Variants in SLC30A9 observed in about 807,000 individuals in gnomAD.
SLC30A9 encodes the protein solute carrier family 30 member 9.
A neutral mutation model predicts 87.5 loss-of-function variants in SLC30A9; 58 were observed. The observed-to-expected ratio is 0.66, with a 90% CI of 0.54 to 0.82. SLC30A9 has a LOEUF of 0.82. SLC30A9 is among the 40% of genes least tolerant of loss of function. SLC30A9 has a pLI of 0.00. For missense variants in SLC30A9, 557 were observed against 679.1 expected (o/e 0.82, Z 2.00); for synonymous variants, 234 against 233.0 (o/e 1.00, Z -0.04).
chr4:42,043,820 A>G (rs1312814865), intron 8 of SLC30A9, among the ~76,000 whole-genome samples: 3 of 152,226 alleles, frequency 2.0e-5, no homozygotes, highest in Non-Finnish European at 4.4e-5. Context: ...AGCCAGAGAG[A>G]AAGGTCGGGT....
rs1157085130 is a variant in SLC30A9 at position 42,046,258 on chromosome 4, T to C, written c.738-3119T>C. ...AGGGCAATCAGGCAAGAGAAAGAAA[T>C]AAAGGGTATTCAAATAGGAAGAGAG... On this transcript the variant is annotated intron_variant, in intron 8 of 17. Coordinates refer to ENST00000264451, the MANE Select transcript of SLC30A9 (RefSeq NM_006345.4). 3.3e-5 allele frequency among the ~76,000 whole-genome samples: 5 copies of C among 152,158 alleles called. No homozygotes were observed. The East Asian group carries it at 9.7e-4, about 29-fold the overall frequency.
intron 7 of SLC30A9, among the ~76,000 whole-genome samples, chr4:42,036,022 G>A (rs1219595199): frequency 3.9e-5 from 6 of 152,016 alleles, no homozygotes; most frequent in African/African-American, 1.4e-4. Context: ...CTTAGCCCTT[G>A]GAGAAGAAAA....
chr4:42,051,573 A>G (rs1179927631), intron 9 of SLC30A9, among the ~76,000 whole-genome samples: 19 of 152,234 alleles, frequency 1.2e-4, no homozygotes, highest in Admixed American at 1.2e-3. Flanking sequence ...AAACCAAATG[A>G]AACTTTTAGA....
At chr4:42,061,189 G>A (rs6813513) in intron 10 of SLC30A9, among the ~76,000 whole-genome samples, 38,067 of 152,048 alleles carry the variant, frequency 0.25, 7,004 homozygotes, top group African/African-American at 0.53. Flanking sequence ...AGAATTTTCT[G>A]CAATGATGGA....
rs567051119 is a variant in SLC30A9 at position 42,037,057 on chromosome 4, T to C, written c.669+1724T>C. Among the ~76,000 whole-genome samples, 23 of 88,370 alleles carry C rather than the reference T, an allele frequency of 2.6e-4. No homozygotes were observed. The Admixed American group carries it at 3.3e-3, about 13-fold the overall frequency. The allele number at this position is 88,370 out of a possible 152,430, so 58.0% of individuals were successfully genotyped here. On this transcript the variant is annotated intron_variant, in intron 7 of 17. Transcript: ENST00000264451. The stretch of plus-strand genomic sequence containing the variant: ...GGTCAACTTTTGAATATTCCATGTT[T>C]TGAAATGATTTTTTTTTGCTATTAC...
Position 42,086,084 on chromosome 4 carries a change from A to G in SLC30A9, c.1665A>G (p.Lys555=), listed in dbSNP as rs1192966429. Reference sequence around the variant, plus strand: ...GTGGTGGTGATTTTTCTTTCCAGAAACGAAATCCTGAAGTTCGACATGTAG... The same window carrying G: ...GTGGTGGTGATTTTTCTTTCCAGAAGCGAAATCCTGAAGTTCGACATGTAG... ...EVDRLEKELK[K]RNPEVRHVDL... is the part of the protein sequence containing the mutation. Residue 555 remains lysine (K), a splice_region_variant and synonymous_variant, in exon 18 of 18, where the codon AAA becomes AAG. Transcript: ENST00000264451. The G allele has an allele frequency of 6.9e-7, 1 of 1,459,380 alleles. No individual in the cohort carries two copies. The highest frequency in any genetic ancestry group is 2.0e-5 in the Admixed American group (1 of 48,938). 90.4% of individuals were successfully genotyped at this position (1,459,380 alleles called of 1,614,324 possible). A position where few individuals can be genotyped will look rare whatever the true frequency, so the allele number is the denominator to read the frequency against.
At position 42,083,315 on chromosome 4, in the gene SLC30A9, C is replaced by A. The variant is rs547216107; in HGVS notation, c.1663-2767C>A. On this transcript the variant is annotated intron_variant, in intron 17 of 17. Transcript: ENST00000264451. ...CTCATGGTGTGTAAAATAGCCTAAT[C>A]GGTATTGAGCAATGCAAGGAATATA... Among the ~76,000 whole-genome samples, 7 of 152,204 alleles carry A rather than the reference C, an allele frequency of 4.6e-5. No homozygotes were observed. The South Asian group carries it at 1.5e-3, about 32-fold the overall frequency.
intron 6 of SLC30A9, among the ~76,000 whole-genome samples, chr4:42,028,302 G>T (rs1010877946): frequency 6.6e-6 from 1 of 152,054 alleles, no homozygotes; most frequent in Non-Finnish European, 1.5e-5. Context: ...TGTATTTTTA[G>T]TAGAGATGGG....
chr4:42,011,179 G>A (rs945200974), intron 2 of SLC30A9, among the ~76,000 whole-genome samples: 1 of 152,188 alleles, frequency 6.6e-6, no homozygotes, highest in Non-Finnish European at 1.5e-5. Context: ...GACTGGAGAG[G>A]CCTCATGTGG....
chr4:42,017,704 A>G (rs1715781997), intron 2 of SLC30A9, among the ~76,000 whole-genome samples: 1 of 152,152 alleles, frequency 6.6e-6, no homozygotes, highest in Non-Finnish European at 1.5e-5. Flanking sequence ...TCTCTGGTAC[A>G]GTTTTAAATA....
rs1718972501 is a variant in SLC30A9 at position 42,087,699 on chromosome 4, A to G, written c.*1573A>G. The G allele has an allele frequency of 6.6e-6, 1 of 151,194 alleles. No homozygotes were observed. Among genetic ancestry groups the G allele is most frequent in the Admixed American group, 6.6e-5 (1 of 15,194 alleles). 9.4% of individuals were successfully genotyped at this position (151,194 alleles called of 1,614,324 possible). A position where few individuals can be genotyped will look rare whatever the true frequency, so the allele number is the denominator to read the frequency against. ...AGATAGAAAATTGTTATATATATATATAATTTGATACTCTATTCTTACAGT... is the reference window on the plus strand; with the variant it reads ...AGATAGAAAATTGTTATATATATATGTAATTTGATACTCTATTCTTACAGT... On this transcript the variant is annotated 3_prime_UTR_variant, in exon 18 of 18. Transcript: ENST00000264451.
chr4:42,001,547 G>A (rs1049771851), intron 1 of SLC30A9, 69 bp from the exon 2 acceptor site: 1 of 950,966 alleles, frequency 1.1e-6, no homozygotes, highest in Middle Eastern at 2.3e-4. Context: ...TCTGGAGAGG[G>A]TGGCTTGGCA....
chr4:41,993,933 G>A (rs572538197), intron 1 of SLC30A9, among the ~76,000 whole-genome samples: 1 of 152,138 alleles, frequency 6.6e-6, no homozygotes, highest in Non-Finnish European at 1.5e-5. Context: ...GAGGTAGGGG[G>A]ATCACCTGAG....
chr4:42,088,179 G>A lies in SLC30A9; in HGVS notation c.*2053G>A, dbSNP rs1321468492. 3 of 152,156 alleles carry A rather than the reference G, an allele frequency of 2.0e-5. No homozygotes were observed. Among genetic ancestry groups the A allele is most frequent in the Non-Finnish European group, 4.4e-5 (3 of 68,036 alleles). 9.4% of individuals were successfully genotyped at this position (152,156 alleles called of 1,614,324 possible). A position where few individuals can be genotyped will look rare whatever the true frequency, so the allele number is the denominator to read the frequency against. On this transcript the variant is annotated 3_prime_UTR_variant, in exon 18 of 18. Coordinates refer to ENST00000264451, the MANE Select transcript of SLC30A9 (RefSeq NM_006345.4). Reference sequence around the variant, plus strand: ...TTTATGTAAAATAAGACATAAAGGAGTACAACATATCAAGGAATTTGAGTA... The same window carrying A: ...TTTATGTAAAATAAGACATAAAGGAATACAACATATCAAGGAATTTGAGTA...
chr4:42,039,315 T>C (rs1716817964), intron 8 of SLC30A9, among the ~76,000 whole-genome samples: 1 of 152,174 alleles, frequency 6.6e-6, no homozygotes, highest in Non-Finnish European at 1.5e-5. Flanking sequence ...AATCCTTTCT[T>C]GTTTTTATTG....
In SLC30A9 at chr4:42,005,062, A is replaced by G. The variant is rs553423697; in HGVS notation, c.274+3282A>G. 1.7e-3 allele frequency among the ~76,000 whole-genome samples: 264 copies of G among 152,246 alleles called. 1 individual carries two copies. The highest frequency in any genetic ancestry group is 2.9e-3 in the Non-Finnish European group (200 of 68,006). On this transcript the variant is annotated intron_variant, in intron 2 of 17. Coordinates refer to ENST00000264451, the MANE Select transcript of SLC30A9 (RefSeq NM_006345.4). ...TACATTAGATACGTTAAACATAGCT[A>G]TTTTATATTTTTAACAGAAAATTCT... is the stretch of plus-strand genomic sequence containing the variant.
intron 15 of SLC30A9, among the ~76,000 whole-genome samples, chr4:42,071,675 CAAAAAA>C (rs56891419): frequency 8.0e-6 from 1 of 125,422 alleles, no homozygotes; most frequent in Non-Finnish European, 1.6e-5. Flanking sequence ...AACCCTGTCT[CAAAAAA>C]AAAAAAAAAA....
At chr4:42,076,180 T>A (rs925879162) in intron 16 of SLC30A9, among the ~76,000 whole-genome samples, 4 of 152,298 alleles carry the variant, frequency 2.6e-5, no homozygotes, top group African/African-American at 9.6e-5. Flanking sequence ...GAATCCATTT[T>A]TTTATTAAGA....
At chr4:42,064,361 A>G (rs10938175) in intron 11 of SLC30A9, among the ~76,000 whole-genome samples, 100,632 of 152,006 alleles carry the variant, frequency 0.66, 37,276 homozygotes, top group East Asian at 0.96. Flanking sequence ...CTCTATTTTG[A>G]GTTGTAGTCA....
Sources: allele counts gnomAD v4.1 joint callset (sites outside exome capture counted in the v4.1 genomes callset), GRCh38; gene constraint gnomAD v4.1.1; transcripts MANE v1.5; gene names NCBI Gene and HGNC (gene_info 2026-07-23, HGNC 2026-07-21).